The following PDS5B variants were observed in gnomAD, a reference collection of about 807,000 sequenced individuals.
PDS5B encodes the protein sister chromatid cohesion protein PDS5 homolog B.
A neutral mutation model predicts 184.1 loss-of-function variants in PDS5B; 51 were observed. The ratio of observed to expected loss-of-function variants is 0.28; its 90% CI spans 0.22 to 0.35. The LOEUF is 0.35. Ranked by LOEUF, PDS5B falls within the 10% of genes least tolerant of loss-of-function variation. PDS5B has a pLI of 1.00. For missense variants in PDS5B, 1,180 were observed against 1,723.3 expected (o/e 0.68, Z 5.58); for synonymous variants, 566 against 569.2 (o/e 0.99, Z 0.08).
chr13:32,666,928 A>G (rs1593378339), intron 6 of PDS5B, among the ~76,000 whole-genome samples: 1 of 152,182 alleles, frequency 6.6e-6, no homozygotes, highest in East Asian at 1.9e-4. Context: ...ATTACTTCTC[A>G]TTTACACAAG....
intron 31 of PDS5B, among the ~76,000 whole-genome samples, chr13:32,767,877 G>T (rs1005034138): frequency 6.6e-6 from 1 of 152,110 alleles, no homozygotes; most frequent in Non-Finnish European, 1.5e-5. Flanking sequence ...GAGAAATAAA[G>T]GTAGGTTCAG....
chr13:32,734,032 CT>C (rs1214806776), intron 20 of PDS5B, among the ~76,000 whole-genome samples: 29 of 107,320 alleles, frequency 2.7e-4, no homozygotes, highest in East Asian at 2.4e-3. Flanking sequence ...ATTTTGTTTT[CT>C]TTTTTTTTTT....
chr13:32,721,182 T>C (rs899981068), intron 19 of PDS5B, among the ~76,000 whole-genome samples: 3 of 152,030 alleles, frequency 2.0e-5, no homozygotes, highest in Admixed American at 6.5e-5. Flanking sequence ...GCGTGGTGGC[T>C]GGGCAGAGGG....
chr13:32,589,281 T>C (rs1408225609), intron 1 of PDS5B, among the ~76,000 whole-genome samples: 2 of 152,196 alleles, frequency 1.3e-5, no homozygotes, highest in African/African-American at 4.8e-5. Context: ...CCATTGTCTT[T>C]TTTTGTTCTA....
At chr13:32,663,030 A>G (rs1311241179) in intron 6 of PDS5B, among the ~76,000 whole-genome samples, 1 of 152,158 alleles carries the variant, frequency 6.6e-6, no homozygotes, top group Non-Finnish European at 1.5e-5. Context: ...GAGAAAATCA[A>G]GACAAATAGC....
intron 13 of PDS5B, among the ~76,000 whole-genome samples, chr13:32,691,577 C>T (rs528993950): frequency 2.6e-5 from 4 of 152,204 alleles, no homozygotes; most frequent in South Asian, 2.1e-4. Context: ...ATTGAAATCA[C>T]CCTGGGAGGT....
At chr13:32,725,752 T>C (rs1320150703) in intron 19 of PDS5B, among the ~76,000 whole-genome samples, 1 of 152,194 alleles carries the variant, frequency 6.6e-6, no homozygotes, top group Non-Finnish European at 1.5e-5. Context: ...CACTATAATA[T>C]TACATAATAA....
Position 32,770,118 on chromosome 13 carries a change from T to C in PDS5B, c.3625-3T>C. 6.3e-7 allele frequency: 1 copy of C among 1,579,906 alleles called. No homozygotes were observed. Among genetic ancestry groups the C allele is most frequent in the Non-Finnish European group, 8.6e-7 (1 of 1,167,708 alleles). On this transcript the variant is annotated splice_region_variant and splice_polypyrimidine_tract_variant and intron_variant, in intron 31 of 34. Coordinates refer to ENST00000315596, the MANE Select transcript of PDS5B (RefSeq NM_015032.4). ...ATAAATTGTGATTTTTTTTTTCCCC[T>C]AGTCTGAATTGGAGAAGCCTAGAGG... is the stretch of plus-strand genomic sequence containing the variant.
chr13:32,747,386 A>G (rs916513890), intron 24 of PDS5B, among the ~76,000 whole-genome samples: 1 of 151,372 alleles, frequency 6.6e-6, no homozygotes, highest in Non-Finnish European at 1.5e-5. Context: ...CTAGACACAA[A>G]CAGTCATCTA....
Position 32,710,065 on chromosome 13 carries a change from C to A in PDS5B, c.2082C>A (p.Asn694Lys). The change falls in exon 19 of 35, where the codon AAC becomes AAA. Residue 694 changes from asparagine to lysine, a missense_variant. Physicochemically the swap from Asn to Lys is moderately conservative, Grantham distance 94. Around this residue, in one of 11 missense-constraint regions of PDS5B, gnomAD observed 475 missense variants for 691.5 expected, o/e 0.69. Coordinates refer to ENST00000315596, the MANE Select transcript of PDS5B (RefSeq NM_015032.4). ...VAEAALQIFKNTGSKIEEDFP... is the reference protein window; with the variant it reads ...VAEAALQIFKKTGSKIEEDFP... ...AAGCTGCACTACAAATTTTCAAAAA[C>A]ACAGGAAGCAAAATTGAAGAGGATT... The A allele has an allele frequency of 6.5e-7, 1 of 1,527,146 alleles. No individual in the cohort carries two copies. Among genetic ancestry groups the A allele is most frequent in the Non-Finnish European group, 8.9e-7 (1 of 1,124,806 alleles). 94.6% of individuals were successfully genotyped at this position (1,527,146 alleles called of 1,614,324 possible). A position where few individuals can be genotyped will look rare whatever the true frequency, so the allele number is the denominator to read the frequency against.
chr13:32,641,518 T>C (rs1271972427), intron 1 of PDS5B, among the ~76,000 whole-genome samples: 2 of 152,156 alleles, frequency 1.3e-5, no homozygotes, highest in Non-Finnish European at 2.9e-5. Flanking sequence ...TTTTCAAACA[T>C]TTTTGCCTAG....
chr13:32,601,536 C>A (rs1335750066), intron 1 of PDS5B, among the ~76,000 whole-genome samples: 1 of 152,180 alleles, frequency 6.6e-6, no homozygotes, highest in African/African-American at 2.4e-5. Flanking sequence ...ACCTGATAGA[C>A]AGCAGTGGGA....
chr13:32,650,225 G>A (rs1950334018), intron 2 of PDS5B: 1 of 152,214 alleles, frequency 6.6e-6, no homozygotes, highest in Non-Finnish European at 1.5e-5. Context: ...TGTGGTTATT[G>A]TTGGTGGAAT....
chr13:32,773,111 C>A, intron 33 of PDS5B, 78 bp from the exon 34 acceptor site: 1 of 1,215,318 alleles, frequency 8.2e-7, no homozygotes, highest in Non-Finnish European at 1.1e-6. Flanking sequence ...CGATGAAATA[C>A]GTGAAACATT....
Position 32,658,274 on chromosome 13 carries a change from G to T in PDS5B, c.348G>T (p.Gly116=). ...TGTTTATAACAAGACAGTTGAAGGG[G>T]CTAGAGGATACAAAGAGCCCACAAT... ...IFMFITRQLK[G]LEDTKSPQFN... The change falls in exon 4 of 35, where the codon GGG becomes GGT. Residue 116 remains glycine, a synonymous_variant. Coordinates refer to ENST00000315596, the MANE Select transcript of PDS5B (RefSeq NM_015032.4). The T allele has an allele frequency of 6.6e-7, 1 of 1,519,702 alleles. No homozygotes were observed. The highest frequency in any genetic ancestry group is 1.7e-5 in the Admixed American group (1 of 58,548). The allele number at this position is 1,519,702 out of a possible 1,614,324, so 94.1% of individuals were successfully genotyped here.
chr13:32,712,648 A>T (rs1952244737), intron 19 of PDS5B, among the ~76,000 whole-genome samples: 1 of 152,194 alleles, frequency 6.6e-6, no homozygotes, highest in South Asian at 2.1e-4. Flanking sequence ...CTGACAAGGG[A>T]TATGTATTGG....
At chr13:32,586,825 G>T (rs866760157) in intron 1 of PDS5B, among the ~76,000 whole-genome samples, 1 of 145,196 alleles carries the variant, frequency 6.9e-6, no homozygotes, top group Non-Finnish European at 1.5e-5. Context: ...CGCGGTGGGG[G>T]TGGGGAGGGC....
chr13:32,658,362 A>G (rs1421678451), intron 4 of PDS5B, 37 bp downstream of exon 4: 6 of 1,416,042 alleles, frequency 4.2e-6, no homozygotes, highest in Non-Finnish European at 5.9e-6. Flanking sequence ...GACATTTTAA[A>G]CTGATTTTTT....
intron 14 of PDS5B, among the ~76,000 whole-genome samples, chr13:32,695,191 A>C (rs1951667157): frequency 6.6e-6 from 1 of 151,856 alleles, no homozygotes; most frequent in Non-Finnish European, 1.5e-5. Flanking sequence ...GTAATAAGAC[A>C]TTTTGTACCA....
Sources: allele counts gnomAD v4.1 joint callset (sites outside exome capture counted in the v4.1 genomes callset), GRCh38; gene constraint gnomAD v4.1.1; regional missense constraint gnomAD v4.1.1; transcripts MANE v1.5; gene names NCBI Gene and HGNC (gene_info 2026-07-23, HGNC 2026-07-21).